ZNF729: variants seen among roughly 807,000 people sequenced by gnomAD.
The protein encoded by ZNF729 is zinc finger protein 729.
A neutral mutation model predicts 12.2 loss-of-function variants in ZNF729; 15 were observed. The observed-to-expected ratio is 1.23, with a 90% CI of 0.82 to 1.89. The LOEUF is 1.89. ZNF729 is among the 40% of genes most tolerant of loss of function. The pLI, the probability that ZNF729 is intolerant of heterozygous loss-of-function variation, is 0.00. For synonymous variants in ZNF729, 492 were observed against 476.3 expected (o/e 1.03, Z -0.43); for missense variants, 1,540 against 1,456.7 (o/e 1.06, Z -0.93).
Position 22,317,100 on chromosome 19 carries a change from C to A in ZNF729, c.3683C>A (p.Pro1228His), listed in dbSNP as rs773907958. Residue 1228 changes from proline (P) to histidine (H), a missense_variant, in exon 4 of 4, where the codon CCT becomes CAT. Coordinates refer to ENST00000601693, the MANE Select transcript of ZNF729 (RefSeq NM_001242680.2). ...VKKVPKLLSN[P>H]HTLLDKTIHT... ...AAAGTACCAAAGCTTTTAAGCAATC[C>A]TCACACCTTACTAGACAAAACAATT... is the stretch of plus-strand genomic sequence containing the variant. 6.2e-6 allele frequency: 10 copies of A among 1,600,828 alleles called. No homozygotes were observed. The highest frequency in any genetic ancestry group is 8.5e-6 in the Non-Finnish European group (10 of 1,174,650).
intron 1 of ZNF729, among the ~76,000 whole-genome samples, chr19:22,286,848 G>C (rs534004304): frequency 2.0e-5 from 3 of 152,318 alleles, no homozygotes; most frequent in South Asian, 4.2e-4. Flanking sequence ...CAGGGACCAC[G>C]GGAGGGGCGT....
At chr19:22,313,235 A>G (rs1333829034) in intron 3 of ZNF729, among the ~76,000 whole-genome samples, 1 of 152,110 alleles carries the variant, frequency 6.6e-6, no homozygotes, top group East Asian at 1.9e-4. Flanking sequence ...AATTTTTAGT[A>G]GAGATGAAGT....
At chr19:22,290,939 ATAT>A (rs1370273942) in intron 1 of ZNF729, among the ~76,000 whole-genome samples, 2 of 152,136 alleles carry the variant, frequency 1.3e-5, no homozygotes, top group African/African-American at 2.4e-5. Flanking sequence ...TAGCTGTATA[ATAT>A]TATTGAACTT....
At chr19:22,312,799 C>T (rs112614989) in intron 3 of ZNF729, among the ~76,000 whole-genome samples, 3,805 of 152,066 alleles carry the variant, frequency 0.025, 153 homozygotes, top group African/African-American at 0.087. Flanking sequence ...CCTCAACCTC[C>T]GCCTCCCAGG....
chr19:22,314,596 A>G lies in ZNF729; in HGVS notation c.1179A>G (p.Val393=), dbSNP rs1324638049. Reference sequence around the variant, plus strand: ...TTAAGTGGTCTTCAAAACTTACTGTACATAAGGTAGTTCATACTGGAGAGA... The same window carrying G: ...TTAAGTGGTCTTCAAAACTTACTGTGCATAAGGTAGTTCATACTGGAGAGA... ...KAFKWSSKLT[V]HKVVHTGEKP... The change falls in exon 4 of 4, where the codon GTA becomes GTG. Residue 393 remains valine, a synonymous_variant. Coordinates refer to ENST00000601693, the MANE Select transcript of ZNF729 (RefSeq NM_001242680.2). 1 of 1,611,606 alleles carries G rather than the reference A, an allele frequency of 6.2e-7. No individual in the cohort carries two copies. The highest frequency in any genetic ancestry group is 1.3e-5 in the African/African-American group (1 of 74,808).
Position 22,316,844 on chromosome 19 carries a change from C to T in ZNF729, c.3427C>T (p.Gln1143Ter), listed in dbSNP as rs1297988624. The T allele has an allele frequency of 6.2e-7, 1 of 1,612,692 alleles. No individual in the cohort carries two copies. Among genetic ancestry groups the T allele is most frequent in the Non-Finnish European group, 8.5e-7 (1 of 1,179,854 alleles). Reference sequence around the variant, plus strand: ...TGAAGAATGTGGCAAAGCCTTTAGTCAGTCCTCAATCCTTACTAAACATAA... The same window carrying T: ...TGAAGAATGTGGCAAAGCCTTTAGTTAGTCCTCAATCCTTACTAAACATAA... ...KCEECGKAFS[Q>*]SSILTKHKII... The change falls in exon 4 of 4, where the codon CAG becomes TAG. Residue 1143 changes from glutamine to a stop codon, truncating the protein, a stop_gained. Transcript: ENST00000601693. LOFTEE classifies it low-confidence loss of function (END_TRUNC).
intron 1 of ZNF729, among the ~76,000 whole-genome samples, chr19:22,298,272 G>C (rs1216126667): frequency 6.6e-6 from 1 of 151,920 alleles, no homozygotes; most frequent in Admixed American, 6.6e-5. Context: ...TAATATTGCT[G>C]TTCATACTTT....
chr19:22,317,034 A>G lies in ZNF729; in HGVS notation c.3617A>G (p.His1206Arg). The G allele has an allele frequency of 6.2e-7, 1 of 1,610,790 alleles. No individual in the cohort carries two copies. The highest frequency in any genetic ancestry group is 1.3e-5 in the African/African-American group (1 of 74,572). ...ATTCAGTGCTCATACCTTATTAGAC[A>G]TAAAACAATTCATACCAGAGAGAAA... is the stretch of plus-strand genomic sequence containing the variant. ...AFIQCSYLIRHKTIHTREKPT... is the reference protein window; with the variant it reads ...AFIQCSYLIRRKTIHTREKPT... The change falls in exon 4 of 4, where the codon CAT becomes CGT. Residue 1206 changes from histidine (H) to arginine (R), a missense_variant. His to Arg is a conservative substitution (Grantham distance 29, BLOSUM62 0). Coordinates refer to ENST00000601693, the MANE Select transcript of ZNF729 (RefSeq NM_001242680.2).
In ZNF729 at chr19:22,289,021, G is replaced by A. The variant is rs566124161; in HGVS notation, c.30+2466G>A. ...AGAATGGAGTGGGAGAATCTCTCAA[G>A]TGATTGGATGGCCTGATTGAAACAT... On this transcript the variant is annotated intron_variant, in intron 1 of 3. Coordinates refer to ENST00000601693, the MANE Select transcript of ZNF729 (RefSeq NM_001242680.2). 5.4e-4 allele frequency among the ~76,000 whole-genome samples: 82 copies of A among 152,174 alleles called. No homozygotes were observed. The Middle Eastern group carries it at 0.014, about 25-fold the overall frequency.
chr19:22,302,357 T>G (rs1313802609), intron 1 of ZNF729, among the ~76,000 whole-genome samples: 1 of 152,308 alleles, frequency 6.6e-6, no homozygotes, highest in African/African-American at 2.4e-5. Context: ...CATCATATCA[T>G]TGGTACAATA....
At position 22,314,331 on chromosome 19, in the gene ZNF729, C is replaced by T; in HGVS notation, c.914C>T (p.Ser305Leu). 6.2e-7 allele frequency: 1 copy of T among 1,610,142 alleles called. No homozygotes were observed. The highest frequency in any genetic ancestry group is 8.5e-7 in the Non-Finnish European group (1 of 1,179,208). Residue 305 changes from serine (S) to leucine (L), a missense_variant, in exon 4 of 4, where the codon TCA becomes TTA. Ser to Leu is a moderately radical substitution (Grantham distance 145). Coordinates refer to ENST00000601693, the MANE Select transcript of ZNF729 (RefSeq NM_001242680.2). ...TGTGGCAAAGCTTTTAAGGGGTCCT[C>T]AAATTTTAATGCACATAAGGTAATT... ...EECGKAFKGS[S>L]NFNAHKVIHT...
intron 3 of ZNF729, 76 bp from the exon 4 acceptor site, chr19:22,313,595 T>A (rs1968477486): frequency 7.6e-7 from 1 of 1,310,154 alleles, no homozygotes; most frequent in Admixed American, 3.5e-5. Flanking sequence ...TTTGCATAAT[T>A]TTATAGGTTA....
intron 2 of ZNF729, among the ~76,000 whole-genome samples, 158 bp from the exon 3 acceptor site, chr19:22,304,530 T>C (rs1322450395): frequency 1.3e-5 from 2 of 152,182 alleles, no homozygotes; most frequent in Non-Finnish European, 2.9e-5. Context: ...ATTAAGGGCC[T>C]GTACAAATTG....
chr19:22,287,452 G>C (rs190318819), intron 1 of ZNF729, among the ~76,000 whole-genome samples: 1 of 151,972 alleles, frequency 6.6e-6, no homozygotes, highest in East Asian at 1.9e-4. Context: ...TTTTAGTAGA[G>C]ACGGGGGTTT....
intron 1 of ZNF729, among the ~76,000 whole-genome samples, chr19:22,287,083 A>G (rs954681329): frequency 2.0e-5 from 3 of 152,170 alleles, no homozygotes; most frequent in Non-Finnish European, 4.4e-5. Flanking sequence ...AAGGTGCACA[A>G]TGAAGAAAAC....
In ZNF729 at chr19:22,316,052, C is replaced by G; in HGVS notation, c.2635C>G (p.Pro879Ala). 6.2e-7 allele frequency: 1 copy of G among 1,610,290 alleles called. No individual in the cohort carries two copies. ...KHEIIHSGEK[P>A]YKCEECGKAF... ...TGAGATAATTCATAGTGGAGAGAAA[C>G]CATACAAATGTGAAGAATGTGGTAA... Residue 879 changes from proline to alanine, a missense_variant, in exon 4 of 4, where the codon CCA becomes GCA. By Grantham distance (27) the Pro-to-Ala change is conservative (BLOSUM62 -1). Coordinates refer to ENST00000601693, the MANE Select transcript of ZNF729 (RefSeq NM_001242680.2).
At position 22,316,021 on chromosome 19, in the gene ZNF729, A is replaced by G. The variant is rs769680991; in HGVS notation, c.2604A>G (p.Arg868=). The change falls in exon 4 of 4, where the codon AGA becomes AGG. Residue 868 remains arginine (R), a synonymous_variant. Coordinates refer to ENST00000601693, the MANE Select transcript of ZNF729 (RefSeq NM_001242680.2). ...CTTTTAGCCAATCCTCATCCCTTAGAAAACATGAGATAATTCATAGTGGAG... is the reference window on the plus strand; with the variant it reads ...CTTTTAGCCAATCCTCATCCCTTAGGAAACATGAGATAATTCATAGTGGAG... ...GKAFSQSSSL[R]KHEIIHSGEK... 6.2e-6 allele frequency: 10 copies of G among 1,609,150 alleles called. No homozygotes were observed. In the East Asian group the frequency reaches 1.6e-4, roughly 25 times the overall value.
intron 1 of ZNF729, among the ~76,000 whole-genome samples, chr19:22,303,553 A>C (rs1315319454): frequency 6.6e-6 from 1 of 152,168 alleles, no homozygotes; most frequent in African/African-American, 2.4e-5. Flanking sequence ...GGTGTTGCGG[A>C]TCTTATGCCA....
rs142383733 is a variant in ZNF729 at position 22,298,205 on chromosome 19, G to A, written c.31-5553G>A. On this transcript the variant is annotated intron_variant, in intron 1 of 3. Transcript: ENST00000601693. Reference sequence around the variant, plus strand: ...AAATTAAACAGCATTTTCTTCAGTAGTATGAATATAAGGCCAAAACATTTA... The same window carrying A: ...AAATTAAACAGCATTTTCTTCAGTAATATGAATATAAGGCCAAAACATTTA... Among the ~76,000 whole-genome samples the A allele has an allele frequency of 3.0e-3, 453 of 152,076 alleles. 4 individuals carry two copies. The highest frequency in any genetic ancestry group is 0.011 in the African/African-American group (441 of 41,492).
Sources: allele counts gnomAD v4.1 joint callset (sites outside exome capture counted in the v4.1 genomes callset), GRCh38; gene constraint gnomAD v4.1.1; transcripts MANE v1.5; gene names NCBI Gene and HGNC (gene_info 2026-07-23, HGNC 2026-07-21).